Variants in WTAP observed in about 807,000 individuals in gnomAD.
The protein encoded by WTAP is WT1 associated protein, also known as pre-mRNA-splicing regulator WTAP.
WTAP carries 8 observed loss-of-function variants against 50.0 expected under a neutral mutation model. The ratio of observed to expected loss-of-function variants is 0.16; its 90% CI spans 0.09 to 0.29. The LOEUF is 0.29. WTAP is among the 10% of genes least tolerant of loss of function. WTAP has a pLI of 1.00. For synonymous variants in WTAP, 194 were observed against 169.0 expected (o/e 1.15, Z -1.15); for missense variants, 295 against 470.7 (o/e 0.63, Z 3.45).
At position 159,755,773 on chromosome 6, in the gene WTAP, T is replaced by TTTTTTTTTTTTTTTTTTG; in HGVS notation, c.*163_*180dup. The TTTTTTTTTTTTTTTTTTG allele has an allele frequency of 9.9e-7, 1 of 1,005,782 alleles. No individual in the cohort carries two copies. The allele number at this position is 1,005,782 out of a possible 1,614,324, so 62.3% of individuals were successfully genotyped here. A position where few individuals can be genotyped will look rare whatever the true frequency, so the allele number is the denominator to read the frequency against. On this transcript the variant is annotated 3_prime_UTR_variant, in exon 8 of 8. Transcript: ENST00000621533. ...TGTTTTTTTTTTCTTTTCTTTTTTT[T>TTTTTTTTTTTTTTTTTTG]TTTTTTTTTTTTTTTTTGCTTCAAT... is the stretch of plus-strand genomic sequence containing the variant.
intron 3 of WTAP, among the ~76,000 whole-genome samples, chr6:159,739,339 T>C (rs985125594): frequency 2.0e-5 from 3 of 152,230 alleles, no homozygotes; most frequent in Non-Finnish European, 4.4e-5. Flanking sequence ...AAGATGCACT[T>C]ATATTTATGG....
intron 6 of WTAP, among the ~76,000 whole-genome samples, chr6:159,750,642 C>T (rs1779783607): frequency 6.6e-6 from 1 of 152,030 alleles, no homozygotes; most frequent in African/African-American, 2.4e-5. Context: ...TACTTGGTCT[C>T]TTTGGCATTT....
chr6:159,753,726 A>G, intron 7 of WTAP, 112 bp downstream of exon 7: 1 of 1,319,750 alleles, frequency 7.6e-7, no homozygotes, highest in South Asian at 1.6e-5. Flanking sequence ...CCTCTGCCCT[A>G]TGATTGTATA....
intron 7 of WTAP, among the ~76,000 whole-genome samples, chr6:159,754,534 TA>T (rs1331606563): frequency 6.6e-6 from 1 of 152,000 alleles, no homozygotes; most frequent in African/African-American, 2.4e-5. Context: ...TTGCCCTCGG[TA>T]TCCATGGTGG....
chr6:159,732,217 C>T (rs1778615461), intron 1 of WTAP, among the ~76,000 whole-genome samples: 1 of 152,090 alleles, frequency 6.6e-6, no homozygotes. Context: ...CTGGGTTGGT[C>T]AAGGACCAAC....
intron 1 of WTAP, among the ~76,000 whole-genome samples, chr6:159,728,259 C>G (rs1286433608): frequency 1.3e-5 from 2 of 152,100 alleles, no homozygotes; most frequent in Non-Finnish European, 2.9e-5. Context: ...CCCTGTGAGA[C>G]AGTTACTAGA....
chr6:159,739,779 A>C (rs1366220585), intron 3 of WTAP, among the ~76,000 whole-genome samples: 1 of 144,150 alleles, frequency 6.9e-6, no homozygotes, highest in East Asian at 2.2e-4. Context: ...ACAATTTCCT[A>C]CTTTCACCTT....
chr6:159,728,510 A>G (rs1361431317), intron 1 of WTAP, among the ~76,000 whole-genome samples: 1 of 152,174 alleles, frequency 6.6e-6, no homozygotes, highest in African/African-American at 2.4e-5. Context: ...TGCCTATTTT[A>G]TCTAGTTTTA....
chr6:159,733,055 G>A (rs57333944), intron 1 of WTAP, among the ~76,000 whole-genome samples: 6,535 of 152,150 alleles, frequency 0.043, 231 homozygotes, highest in African/African-American at 0.082. Context: ...GTTAAATATG[G>A]TGATGGTTTC....
At chr6:159,740,529 G>A (rs1011369852) in intron 3 of WTAP, among the ~76,000 whole-genome samples, 10 of 151,922 alleles carry the variant, frequency 6.6e-5, no homozygotes, top group African/African-American at 9.7e-5. Context: ...AAAATAAATC[G>A]TTCTTTTATA....
chr6:159,735,734 G>A (rs765451185), intron 1 of WTAP, among the ~76,000 whole-genome samples: 10 of 151,944 alleles, frequency 6.6e-5, no homozygotes, highest in Non-Finnish European at 1.2e-4. Context: ...GGGCGACAGA[G>A]TGAGACTGTG....
At chr6:159,729,100 T>C (rs1310054370) in intron 1 of WTAP, among the ~76,000 whole-genome samples, 2 of 152,228 alleles carry the variant, frequency 1.3e-5, no homozygotes, top group Admixed American at 6.5e-5. Flanking sequence ...AGCCCTGTGA[T>C]GTGGAGATGA....
intron 2 of WTAP, 106 bp from the exon 3 acceptor site, chr6:159,738,884 A>G (rs563684093): frequency 7.4e-6 from 6 of 810,040 alleles, no homozygotes; most frequent in Middle Eastern, 2.6e-4. Context: ...CATAATATGT[A>G]CTGAGCCGTT....
chr6:159,740,798 G>T lies in WTAP; in HGVS notation c.87-1290G>T, dbSNP rs950854004. On this transcript the variant is annotated intron_variant, in intron 3 of 7. Transcript: ENST00000621533. ...GGCTCACTGCAACCGCCGCCTCCCG[G>T]TCAAGCGGTTCTCCTGCCTCAGCCT... Among the ~76,000 whole-genome samples, 3 of 151,332 alleles carry T rather than the reference G, an allele frequency of 2.0e-5. No individual in the cohort carries two copies. The East Asian group carries it at 5.8e-4, about 29-fold the overall frequency.
rs1299723144 is a variant in WTAP, at chr6:159,738,974, G to A, written c.31-16G>A. 1 of 1,598,284 alleles carries A rather than the reference G, an allele frequency of 6.3e-7. No individual in the cohort carries two copies. The highest frequency in any genetic ancestry group is 8.6e-7 in the Non-Finnish European group (1 of 1,167,956). On this transcript the variant is annotated splice_polypyrimidine_tract_variant and intron_variant, in intron 2 of 7. Transcript: ENST00000621533. ...TCAGGAAGAACACTAAATTCATATT[G>A]TAATTCTCTTTATAGGTTCGATTGA...
At chr6:159,743,546 A>T in intron 4 of WTAP, 119 bp from the exon 5 acceptor site, 1 of 966,562 alleles carries the variant, frequency 1.0e-6, no homozygotes, top group Non-Finnish European at 1.5e-6. Context: ...TTATAAAAGT[A>T]GTTAGGATGG....
upstream of WTAP, chr6:159,726,911 G>A (rs1238246166): frequency 3.1e-6 from 4 of 1,289,008 alleles, no homozygotes; most frequent in East Asian, 5.5e-5. Context: ...TCTCTCTTGA[G>A]GTGGCACCTG....
In WTAP at chr6:159,743,768, G is replaced by A. The variant is rs1779399886; in HGVS notation, c.249G>A (p.Lys83=). ...TCCTTGTAATGCGACTAGCAACCAAGGAACAAGAGATGCAAGAGTGTACTG... is the reference window on the plus strand; with the variant it reads ...TCCTTGTAATGCGACTAGCAACCAAAGAACAAGAGATGCAAGAGTGTACTG... ...ENILVMRLAT[K]EQEMQECTTQ... The change falls in exon 5 of 8, where the codon AAG becomes AAA. Residue 83 remains lysine (K), a synonymous_variant. Coordinates refer to ENST00000621533, the MANE Select transcript of WTAP (RefSeq NM_001270531.2). 6.2e-7 allele frequency: 1 copy of A among 1,612,348 alleles called. No homozygotes were observed. Among genetic ancestry groups the A allele is most frequent in the South Asian group, 1.1e-5 (1 of 90,734 alleles).
chr6:159,752,018 AC>A (rs1779838050), intron 6 of WTAP, among the ~76,000 whole-genome samples: 1 of 151,276 alleles, frequency 6.6e-6, no homozygotes, highest in Non-Finnish European at 1.5e-5. Context: ...AGCTGAGATC[AC>A]GCCACTGCAC....
Sources: gnomAD v4.1 joint callset for allele counts (sites outside exome capture counted in the v4.1 genomes callset) on GRCh38, gnomAD v4.1.1 for gene constraint, MANE v1.5 for transcripts, NCBI Gene and HGNC (gene_info 2026-07-23, HGNC 2026-07-21) for gene names.